The following UCHL5 variants were observed in gnomAD, a reference collection of about 807,000 sequenced individuals.
The protein encoded by UCHL5 is ubiquitin C-terminal hydrolase L5.
In UCHL5, 34 loss-of-function variants were observed where a neutral mutation model predicts 53.8. That is an observed-to-expected ratio of 0.63 (90% CI 0.48 to 0.84). UCHL5 has a LOEUF of 0.84. Ranked by LOEUF, UCHL5 falls within the 40% of genes least tolerant of loss-of-function variation. The pLI, the probability that UCHL5 is intolerant of heterozygous loss-of-function variation, is 0.00. For missense variants in UCHL5, 290 were observed against 385.6 expected, an observed-to-expected ratio of 0.75 and a Z score of 2.08; for synonymous variants, 111 against 126.3, an observed-to-expected ratio of 0.88 and a Z score of 0.81.
intron 10 of UCHL5, among the ~76,000 whole-genome samples, chr1:193,019,031 T>C (rs961987188): frequency 4.2e-4 from 63 of 151,666 alleles, no homozygotes; most frequent in Non-Finnish European, 8.7e-4. Flanking sequence ...TATTTTAATA[T>C]GGTATCTTTT....
intron 7 of UCHL5, 86 bp from the exon 8 acceptor site, chr1:193,024,032 G>T: frequency 1.0e-6 from 1 of 952,646 alleles, no homozygotes; most frequent in Non-Finnish European, 1.5e-6. Flanking sequence ...TTCCCCTCTT[G>T]ATTTTCTAGT....
intron 10 of UCHL5, among the ~76,000 whole-genome samples, chr1:193,019,496 C>G (rs1432859731): frequency 6.6e-6 from 1 of 151,594 alleles, no homozygotes; most frequent in East Asian, 1.9e-4. Context: ...ATAAATCTAT[C>G]TCAATATTGC....
intron 7 of UCHL5, among the ~76,000 whole-genome samples, chr1:193,025,637 T>C (rs532105975): frequency 1.3e-5 from 2 of 152,152 alleles, no homozygotes; most frequent in Non-Finnish European, 2.9e-5. Context: ...CAGTTGTCAC[T>C]GAAGGCCTAG....
chr1:193,058,379 T>C (rs1249736839), intron 1 of UCHL5, among the ~76,000 whole-genome samples: 2 of 152,218 alleles, frequency 1.3e-5, no homozygotes. Flanking sequence ...CGCGTAAAAG[T>C]TTTAACATCG....
At chr1:193,016,711 A>AAT (rs1338273534) in intron 10 of UCHL5, among the ~76,000 whole-genome samples, 1 of 151,774 alleles carries the variant, frequency 6.6e-6, no homozygotes, top group East Asian at 1.9e-4. Flanking sequence ...ATTCCAAAAC[A>AAT]ATATATATAC....
chr1:193,052,765 G>A (rs1290160526), intron 1 of UCHL5, among the ~76,000 whole-genome samples: 1 of 152,128 alleles, frequency 6.6e-6, no homozygotes, highest in Non-Finnish European at 1.5e-5. Context: ...CTATTAGCCA[G>A]TATTATCATC....
At position 193,059,158 on chromosome 1, in the gene UCHL5, G is replaced by T; in HGVS notation, c.76+27C>A. 6.5e-7 allele frequency: 1 copy of T among 1,549,852 alleles called. No homozygotes were observed. The highest frequency in any genetic ancestry group is 1.9e-5 in the Admixed American group (1 of 53,108). On this transcript the variant is annotated intron_variant, in intron 1 of 10. Transcript: ENST00000367454. This position sits in a 1 kb window ranked among gnomAD's most constrained non-coding sequence, Gnocchi z 4.9. ...CTTGGGCCTCCTCCCGTGACCCCAG[G>T]CCCAGGACGGTCCCCTTGGTTCTCA...
At chr1:193,056,140 T>C (rs1331529258) in intron 1 of UCHL5, among the ~76,000 whole-genome samples, 2 of 152,164 alleles carry the variant, frequency 1.3e-5, no homozygotes, top group Admixed American at 1.3e-4. Context: ...ATTTGTACAT[T>C]TCATCTAAAT....
chr1:193,022,434 C>T (rs1174487098), intron 9 of UCHL5, among the ~76,000 whole-genome samples: 1 of 151,914 alleles, frequency 6.6e-6, no homozygotes, highest in Admixed American at 6.6e-5. Flanking sequence ...CTGAGACGGG[C>T]AGATCACTTG....
At chr1:193,020,315 C>T in intron 10 of UCHL5, 1 of 1,545,556 alleles carries the variant, frequency 6.5e-7, no homozygotes, top group Non-Finnish European at 8.7e-7. Flanking sequence ...ACCATGTATT[C>T]TCGTCTTTAA....
At chr1:193,024,074 A>G in intron 7 of UCHL5, 128 bp from the exon 8 acceptor site, 1 of 700,492 alleles carries the variant, frequency 1.4e-6, no homozygotes, top group Non-Finnish European at 2.3e-6. Flanking sequence ...GGCTAGCAAT[A>G]AAAATGGACA....
intron 3 of UCHL5, among the ~76,000 whole-genome samples, chr1:193,043,161 A>AAAAAAAAAAAAAAAAC (rs1311524037): frequency 7.0e-6 from 1 of 143,620 alleles, no homozygotes; most frequent in Non-Finnish European, 1.5e-5. Flanking sequence ...TAAAAAAAAA[A>AAAAAAAAAAAAAAAAC]AAAAAAAAAA....
At chr1:193,058,132 T>C (rs1671318035) in intron 1 of UCHL5, among the ~76,000 whole-genome samples, 1 of 150,694 alleles carries the variant, frequency 6.6e-6, no homozygotes, top group Non-Finnish European at 1.5e-5. Context: ...GAGGCTGAAG[T>C]AGGAGATTCG....
chr1:193,024,180 C>T (rs1658244431), intron 7 of UCHL5, among the ~76,000 whole-genome samples: 1 of 151,570 alleles, frequency 6.6e-6, no homozygotes, highest in African/African-American at 2.4e-5. Context: ...AAGCTGGAGG[C>T]TGCAGTGAGC....
rs1279694709 is a variant in UCHL5 at position 193,023,029 on chromosome 1, A to C, written c.740T>G (p.Met247Arg). ...ELQRQLAEEPMDTDQGNSMLS... is the reference protein window; with the variant it reads ...ELQRQLAEEPRDTDQGNSMLS... Reference sequence around the variant, plus strand: ...CATACTATTACCTTGATCTGTATCCATGGGTTCCTCCTTGGGGGAAGGAAA... The same window carrying C: ...CATACTATTACCTTGATCTGTATCCCTGGGTTCCTCCTTGGGGGAAGGAAA... The change falls in exon 9 of 11, where the codon ATG (methionine) becomes AGG (arginine). Residue 247 changes from methionine (M) to arginine (R), a missense_variant. By Grantham distance (91) the Met-to-Arg change is moderately conservative. Transcript: ENST00000367454. 1 of 1,611,622 alleles carries C rather than the reference A, an allele frequency of 6.2e-7. No homozygotes were observed. The highest frequency in any genetic ancestry group is 1.7e-5 in the Admixed American group (1 of 59,864).
intron 7 of UCHL5, among the ~76,000 whole-genome samples, chr1:193,026,439 A>G (rs1225675157): frequency 1.3e-5 from 2 of 152,230 alleles, no homozygotes; most frequent in Non-Finnish European, 2.9e-5. Context: ...AAAGAACTTC[A>G]GACTCAAGAG....
chr1:193,022,926 C>G lies in UCHL5; in HGVS notation c.843G>C (p.Lys281Asn). The part of the protein sequence containing the change: ...EEEVQKLKRY[K>N]IENIRRKHNY... ...AAGGAACACATTTTTAAAAACATAC[C>G]TTGTATCTTTTTAATTTCTGTACTT... Residue 281 changes from lysine (K) to asparagine (N), a missense_variant and splice_region_variant, in exon 9 of 11, where the codon AAG (lysine) becomes AAC (asparagine). Physicochemically the swap from Lys to Asn is moderately conservative, Grantham distance 94. Coordinates refer to ENST00000367454, the MANE Select transcript of UCHL5 (RefSeq NM_001199261.3). 1.3e-6 allele frequency: 2 copies of G among 1,594,414 alleles called. No individual in the cohort carries two copies. Among genetic ancestry groups the G allele is most frequent in the Non-Finnish European group, 1.7e-6 (2 of 1,163,404 alleles).
At chr1:193,018,729 C>T in intron 10 of UCHL5, 1 of 1,417,528 alleles carries the variant, frequency 7.1e-7, no homozygotes, top group Non-Finnish European at 9.3e-7. Context: ...TGTAGAATCT[C>T]AGCATATAGT....
intron 7 of UCHL5, 84 bp from the exon 8 acceptor site, chr1:193,024,030 T>C: frequency 1.0e-6 from 1 of 984,730 alleles, no homozygotes; most frequent in Non-Finnish European, 1.5e-6. Flanking sequence ...GATTCCCCTC[T>C]TGATTTTCTA....
Sources: gnomAD v4.1 joint callset for allele counts (sites outside exome capture counted in the v4.1 genomes callset) on GRCh38, gnomAD v4.1.1 for gene constraint, Gnocchi (gnomAD v3.1) non-coding constraint, MANE v1.5 for transcripts, NCBI Gene and HGNC (gene_info 2026-07-23, HGNC 2026-07-21) for gene names.